The following AFAP1L1 variants were observed in gnomAD, a reference collection of about 807,000 sequenced individuals.
The protein encoded by AFAP1L1 is actin filament associated protein 1 like 1.
In AFAP1L1, 77 loss-of-function variants were observed where a neutral mutation model predicts 99.8. That is an observed-to-expected ratio of 0.77 (90% CI 0.64 to 0.93). AFAP1L1 has a LOEUF of 0.93. AFAP1L1 is among the 40% of genes least tolerant of loss of function. AFAP1L1 has a pLI of 0.00. For missense variants in AFAP1L1, 893 were observed against 996.8 expected, an observed-to-expected ratio of 0.90 and a Z score of 1.40; for synonymous variants, 373 against 395.3, an observed-to-expected ratio of 0.94 and a Z score of 0.67.
intron 5 of AFAP1L1, 147 bp from the exon 6 acceptor site, chr5:149,306,158 AG>A: frequency 1.7e-6 from 1 of 592,844 alleles, no homozygotes; most frequent in South Asian, 2.2e-5. Flanking sequence ...AGATGCAGAG[AG>A]GAGGCCTCAC....
At position 149,310,023 on chromosome 5, in the gene AFAP1L1, A is replaced by G. The variant is rs192371998; in HGVS notation, c.815A>G (p.Tyr272Cys). The G allele has an allele frequency of 5.6e-6, 9 of 1,614,198 alleles. No individual in the cohort carries two copies. In the African/African-American group the frequency reaches 1.1e-4, roughly 19 times the overall value. The change falls in exon 8 of 19, where the codon TAC becomes TGC. Residue 272 changes from tyrosine to cysteine, a missense_variant. Transcript: ENST00000296721. ...GCACTGGATACCTGCAGCATCATCTACGTGCCCAAGGACAGCCGGCACAAG... is the reference window on the plus strand; with the variant it reads ...GCACTGGATACCTGCAGCATCATCTGCGTGCCCAAGGACAGCCGGCACAAG... Reference protein sequence around the residue: ...RLALDTCSIIYVPKDSRHKRH... With the variant: ...RLALDTCSIICVPKDSRHKRH...
At chr5:149,301,919 T>C (rs1756231101) in intron 4 of AFAP1L1, among the ~76,000 whole-genome samples, 1 of 152,238 alleles carries the variant, frequency 6.6e-6, no homozygotes, top group African/African-American at 2.4e-5. Flanking sequence ...ATGAGGAAAC[T>C]GAGGCTCAGA....
At chr5:149,290,989 C>A (rs1755835583) in intron 1 of AFAP1L1, among the ~76,000 whole-genome samples, 1 of 152,188 alleles carries the variant, frequency 6.6e-6, no homozygotes, top group Non-Finnish European at 1.5e-5. Flanking sequence ...TAAGTAAATA[C>A]AAAATCTTGC....
At chr5:149,272,057 G>A in intron 1 of AFAP1L1, 73 bp downstream of exon 1, 1 of 1,211,430 alleles carries the variant, frequency 8.3e-7, no homozygotes, top group Non-Finnish European at 1.0e-6. Context: ...TCTGAAGCCG[G>A]AGAGGAGGAG....
chr5:149,287,108 A>G (rs1383175749), intron 1 of AFAP1L1, among the ~76,000 whole-genome samples: 1 of 152,230 alleles, frequency 6.6e-6, no homozygotes, highest in African/African-American at 2.4e-5. Context: ...ATATTCCTAC[A>G]ATGGAATAGC....
In AFAP1L1 at chr5:149,315,848, G is replaced by A; in HGVS notation, c.1048G>A (p.Asp350Asn). Reference sequence around the variant, plus strand: ...GCTGTCCCAAGAGAAGCAGACCTCAGATTCTGACAGCGTGGGTGTGGGTGA... The same window carrying A: ...GCTGTCCCAAGAGAAGCAGACCTCAAATTCTGACAGCGTGGGTGTGGGTGA... ...KRLSQEKQTS[D>N]SDSVGVGDNC... The change falls in exon 10 of 19, where the codon GAT becomes AAT. Residue 350 changes from aspartate to asparagine, a missense_variant. Physicochemically the swap from Asp to Asn is conservative, Grantham distance 23. Transcript: ENST00000296721. The A allele has an allele frequency of 6.2e-7, 1 of 1,614,168 alleles. No homozygotes were observed.
At chr5:149,315,991 G>A in intron 10 of AFAP1L1, 77 bp downstream of exon 10, 1 of 1,596,110 alleles carries the variant, frequency 6.3e-7, no homozygotes, top group South Asian at 1.1e-5. Context: ...CAGCGGCAGA[G>A]CAGGTTCTGA....
At chr5:149,331,031 C>T (rs1410049707) in intron 16 of AFAP1L1, among the ~76,000 whole-genome samples, 1 of 151,964 alleles carries the variant, frequency 6.6e-6, no homozygotes, top group East Asian at 1.9e-4. Flanking sequence ...TACTGGAAAA[C>T]CCTCCGGCAC....
chr5:149,319,442 A>G (rs569442874), intron 12 of AFAP1L1, 140 bp from the exon 13 acceptor site: 3 of 965,364 alleles, frequency 3.1e-6, no homozygotes, highest in South Asian at 3.5e-5. Context: ...GATGTGTGCT[A>G]TAATCTTATT....
rs1313783464 is a variant in AFAP1L1 at position 149,342,536 on chromosome 5, C to A, written c.*2506C>A. On this transcript the variant is annotated 3_prime_UTR_variant, in exon 19 of 19. Coordinates refer to ENST00000296721, the MANE Select transcript of AFAP1L1 (RefSeq NM_152406.4). ...CGAATGAATGCATGGATGCAAGCAGCAACCTGGTGAACGTTAGGCAGCTAG... is the reference window on the plus strand; with the variant it reads ...CGAATGAATGCATGGATGCAAGCAGAAACCTGGTGAACGTTAGGCAGCTAG... Among the ~76,000 whole-genome samples the A allele has an allele frequency of 1.3e-5, 2 of 152,240 alleles. No homozygotes were observed. Among genetic ancestry groups the A allele is most frequent in the African/African-American group, 4.8e-5 (2 of 41,458 alleles).
chr5:149,285,176 T>G (rs147823367), intron 1 of AFAP1L1, among the ~76,000 whole-genome samples: 115 of 152,242 alleles, frequency 7.6e-4, no homozygotes, highest in African/African-American at 2.6e-3. Flanking sequence ...GGTTTAACAC[T>G]GAAAGGTTTC....
intron 16 of AFAP1L1, 68 bp from the exon 17 acceptor site, chr5:149,332,627 G>T: frequency 6.5e-7 from 1 of 1,537,202 alleles, no homozygotes; most frequent in East Asian, 2.3e-5. Flanking sequence ...AAAGGCCTGA[G>T]GCCCTGCCAG....
At chr5:149,307,673 C>G (rs921062392) in intron 7 of AFAP1L1, 60 bp downstream of exon 7, 45 of 1,534,090 alleles carry the variant, frequency 2.9e-5, no homozygotes, top group Non-Finnish European at 3.9e-5. Context: ...GTGGGTGTGT[C>G]TCTACATACA....
At position 149,271,993 on chromosome 5, in the gene AFAP1L1, G is replaced by A. The variant is rs1755126210; in HGVS notation, c.16+9G>A. ...CATGGACCGAGGCCAGGGTAAGAGGGGCCGCGACGCCCGCACTTGTTGCGG... is the reference window on the plus strand; with the variant it reads ...CATGGACCGAGGCCAGGGTAAGAGGAGCCGCGACGCCCGCACTTGTTGCGG... On this transcript the variant is annotated intron_variant, in intron 1 of 18. Coordinates refer to ENST00000296721, the MANE Select transcript of AFAP1L1 (RefSeq NM_152406.4). 6.5e-6 allele frequency: 8 copies of A among 1,239,160 alleles called. No individual in the cohort carries two copies. The East Asian group carries it at 2.5e-4, about 39-fold the overall frequency. 76.8% of individuals were successfully genotyped at this position (1,239,160 alleles called of 1,614,324 possible).
intron 1 of AFAP1L1, among the ~76,000 whole-genome samples, chr5:149,276,096 T>G (rs919226130): frequency 6.6e-6 from 1 of 152,220 alleles, no homozygotes; most frequent in African/African-American, 2.4e-5. Context: ...GACTGCCTCC[T>G]TGGTGGCAGG....
At chr5:149,322,403 C>T (rs571844536) in intron 14 of AFAP1L1, among the ~76,000 whole-genome samples, 2 of 152,242 alleles carry the variant, frequency 1.3e-5, no homozygotes, top group African/African-American at 2.4e-5. Context: ...CCTTCTGCTG[C>T]CCCCCAGCAG....
At chr5:149,327,147 G>T (rs909633758) in intron 15 of AFAP1L1, among the ~76,000 whole-genome samples, 1 of 137,270 alleles carries the variant, frequency 7.3e-6, no homozygotes, top group Non-Finnish European at 1.6e-5. Flanking sequence ...ATTTAACAAA[G>T]ATTTCAAAGC....
At chr5:149,338,558 T>C (rs190205964) in intron 18 of AFAP1L1, among the ~76,000 whole-genome samples, 14 of 152,304 alleles carry the variant, frequency 9.2e-5, no homozygotes, top group Middle Eastern at 3.4e-3. Flanking sequence ...CTTTATTCTT[T>C]CCTACAGTTA....
At chr5:149,300,429 G>A in intron 3 of AFAP1L1, 75 bp downstream of exon 3, 1 of 1,371,870 alleles carries the variant, frequency 7.3e-7, no homozygotes, top group Non-Finnish European at 1.0e-6. Context: ...TCCCCCGACT[G>A]GGCTGGGCTT....
Sources: gnomAD v4.1 joint callset for allele counts (sites outside exome capture counted in the v4.1 genomes callset) on GRCh38, gnomAD v4.1.1 for gene constraint, MANE v1.5 for transcripts, NCBI Gene and HGNC (gene_info 2026-07-23, HGNC 2026-07-21) for gene names.